ATP6V0D1: variants seen among roughly 807,000 people sequenced by gnomAD.
The protein encoded by ATP6V0D1 is V-type proton ATPase subunit d 1.
Under a neutral mutation model 39.0 loss-of-function variants are expected in ATP6V0D1, and 13 were observed. The ratio of observed to expected loss-of-function variants is 0.33; its 90% CI spans 0.22 to 0.53. The LOEUF is 0.53. Ranked by LOEUF, ATP6V0D1 falls within the 20% of genes least tolerant of loss-of-function variation. ATP6V0D1 has a pLI of 0.94. For synonymous variants in ATP6V0D1, 191 were observed against 191.2 expected, an observed-to-expected ratio of 1.00 and a Z score of 0.01; for missense variants, 272 against 470.9, an observed-to-expected ratio of 0.58 and a Z score of 3.91.
At chr16:67,468,071 T>C (rs1395931104) in intron 1 of ATP6V0D1, among the ~76,000 whole-genome samples, 1 of 152,118 alleles carries the variant, frequency 6.6e-6, no homozygotes, top group Non-Finnish European at 1.5e-5. Context: ...CTATGTTCAG[T>C]GTATGCCACT....
chr16:67,438,845 G>A lies in ATP6V0D1; in HGVS notation c.842C>T (p.Ala281Val). 6.2e-7 allele frequency: 1 copy of A among 1,603,762 alleles called. No homozygotes were observed. The highest frequency in any genetic ancestry group is 8.5e-7 in the Non-Finnish European group (1 of 1,175,316). ...YPEYKLLFEG[A>V]GSNPGDKTLE... ...CGTCTTGTCTCCAGGGTTGCTACCT[G>A]CACCCTCGAAGAGCAGCTTGTACTC... Residue 281 changes from alanine to valine, a missense_variant, in exon 7 of 8, where the codon GCA (alanine) becomes GTA (valine). Ala to Val is a moderately conservative substitution (Grantham distance 64, BLOSUM62 0). Around this residue, in one of 4 missense-constraint regions of ATP6V0D1, gnomAD observed 21 missense variants for 16.5 expected, o/e 1.27. Transcript: ENST00000290949.
rs2041470134 is a variant in ATP6V0D1, at chr16:67,481,011, C to T, written c.76G>A (p.Gly26Arg). ...LEGLVRGLKA[G>R]VLSQADYLNL... is the part of the protein sequence containing the mutation. Reference sequence around the variant, plus strand: ...AGGTAGTCGGCCTGGCTGAGCACCCCGGCCTTCAGGCCGCGCACCAGTCCC... The same window carrying T: ...AGGTAGTCGGCCTGGCTGAGCACCCTGGCCTTCAGGCCGCGCACCAGTCCC... Residue 26 changes from glycine to arginine, a missense_variant, in exon 1 of 8, where the codon GGG becomes AGG. Gly to Arg is a moderately radical substitution (Grantham distance 125, BLOSUM62 -2). Around this residue, in one of 4 missense-constraint regions of ATP6V0D1, gnomAD observed 81 missense variants for 96.0 expected, o/e 0.84. Transcript: ENST00000290949. 6.2e-7 allele frequency: 1 copy of T among 1,614,066 alleles called. No individual in the cohort carries two copies. The highest frequency in any genetic ancestry group is 8.5e-7 in the Non-Finnish European group (1 of 1,180,016).
Position 67,438,463 on chromosome 16 carries a change from ACACACACGCG to A in ATP6V0D1, c.*55_*64del. 8 of 1,560,244 alleles carry A rather than the reference ACACACACGCG, an allele frequency of 5.1e-6. No individual in the cohort carries two copies. Among genetic ancestry groups the A allele is most frequent in the Non-Finnish European group, 6.1e-6 (7 of 1,148,000 alleles). ...TCACAGACCACATACACACACACGC[ACACACACGCG>A]CACACACACACACACACACACAAAG... On this transcript the variant is annotated 3_prime_UTR_variant, in exon 8 of 8. Coordinates refer to ENST00000290949, the MANE Select transcript of ATP6V0D1 (RefSeq NM_004691.5).
chr16:67,479,221 T>TC, intron 1 of ATP6V0D1, among the ~76,000 whole-genome samples: 1 of 152,000 alleles, frequency 6.6e-6, no homozygotes, highest in African/African-American at 2.4e-5. Flanking sequence ...CGATTTTTTT[T>TC]TTTTTTTGAG....
intron 3 of ATP6V0D1, 171 bp from the exon 4 acceptor site, chr16:67,443,349 G>C (rs901969989): frequency 3.3e-6 from 2 of 614,394 alleles, no homozygotes; most frequent in African/African-American, 3.7e-5. Flanking sequence ...AATGCTCTGG[G>C]CCATGTACAC....
chr16:67,443,117 G>C lies in ATP6V0D1; in HGVS notation c.543C>G (p.Ile181Met). Residue 181 changes from isoleucine to methionine, a missense_variant, in exon 4 of 8, where the codon ATC becomes ATG. Around this residue, in one of 4 missense-constraint regions of ATP6V0D1, gnomAD observed 135 missense variants for 273.8 expected, o/e 0.49. Transcript: ENST00000290949. ...QDLDEMNIEI[I>M]RNTLYKAYLE... ...GCATTACCTTGTAGAGGGTGTTGCG[G>C]ATGATCTCGATGTTCATCTCGTCAA... The C allele has an allele frequency of 6.2e-7, 1 of 1,613,814 alleles. No individual in the cohort carries two copies. The highest frequency in any genetic ancestry group is 1.1e-5 in the South Asian group (1 of 91,062).
intron 2 of ATP6V0D1, among the ~76,000 whole-genome samples, chr16:67,446,142 A>T (rs1190076674): frequency 6.6e-6 from 1 of 152,056 alleles, no homozygotes; most frequent in African/African-American, 2.4e-5. Context: ...CCCCATACTG[A>T]AGAAAGAAAG....
At chr16:67,445,922 A>T (rs1445712183) in intron 2 of ATP6V0D1, 2 of 455,892 alleles carry the variant, frequency 4.4e-6, no homozygotes, top group Non-Finnish European at 8.8e-6. Flanking sequence ...TGAGGGAGCT[A>T]AATGAGGCCT....
Position 67,439,310 on chromosome 16 carries a change from G to C in ATP6V0D1, c.603C>G (p.Gly201=). The C allele has an allele frequency of 6.2e-7, 1 of 1,614,092 alleles. No individual in the cohort carries two copies. The highest frequency in any genetic ancestry group is 8.5e-7 in the Non-Finnish European group (1 of 1,180,038). The change falls in exon 5 of 8, where the codon GGC becomes GGG. Residue 201 remains glycine, a synonymous_variant. Transcript: ENST00000290949. ...GGCACATGGCATCAGCCGTAGTCCCGCCCAGTAGGGTGCAGAACTTGTAGA... is the reference window on the plus strand; with the variant it reads ...GGCACATGGCATCAGCCGTAGTCCCCCCCAGTAGGGTGCAGAACTTGTAGA... ...ESFYKFCTLL[G]GTTADAMCPI...
At chr16:67,463,307 G>T (rs994891985) in intron 1 of ATP6V0D1, among the ~76,000 whole-genome samples, 4 of 152,096 alleles carry the variant, frequency 2.6e-5, no homozygotes, top group African/African-American at 9.7e-5. Flanking sequence ...GAGGTGGGAG[G>T]ATCACTTGAG....
chr16:67,441,155 C>G (rs2041045847), intron 4 of ATP6V0D1: 1 of 152,336 alleles, frequency 6.6e-6, no homozygotes, highest in Non-Finnish European at 1.5e-5. Flanking sequence ...TGGTGGGACT[C>G]TCCTCTGGAG....
At position 67,453,392 on chromosome 16, in the gene ATP6V0D1, G is replaced by A. The variant is rs2041203265; in HGVS notation, c.302+152C>T. ...AGTCAGGGAGGACTCTGAAGGTAGG[G>A]TCCTGGGACACCTGGCCTGACAGAG... On this transcript the variant is annotated intron_variant, in intron 2 of 7. Coordinates refer to ENST00000290949, the MANE Select transcript of ATP6V0D1 (RefSeq NM_004691.5). This position sits in a 1 kb window ranked among gnomAD's most constrained non-coding sequence, Gnocchi z 4.1. 7.8e-6 allele frequency: 7 copies of A among 892,118 alleles called. No homozygotes were observed. Among genetic ancestry groups the A allele is most frequent in the South Asian group, 1.6e-5 (1 of 61,070 alleles). The allele number at this position is 892,118 out of a possible 1,614,324, so 55.3% of individuals were successfully genotyped here. A position where few individuals can be genotyped will look rare whatever the true frequency, so the allele number is the denominator to read the frequency against.
intron 1 of ATP6V0D1, among the ~76,000 whole-genome samples, chr16:67,457,814 G>A (rs573224382): frequency 1.3e-5 from 2 of 152,360 alleles, no homozygotes; most frequent in Admixed American, 1.3e-4. Flanking sequence ...GGAAGCCACG[G>A]CTCCAAGCAC....
chr16:67,443,094 A>ATTACC lies in ATP6V0D1; in HGVS notation c.561_561+4dup. Reference sequence around the variant, plus strand: ...CAATCCCCCATGGCTTGTGTGGGGCATTACCTTGTAGAGGGTGTTGCGGAT... The same window carrying ATTACC: ...CAATCCCCCATGGCTTGTGTGGGGCATTACCTTACCTTGTAGAGGGTGTTGCGGAT... On this transcript the variant is annotated splice_donor_region_variant and intron_variant, in intron 4 of 7. Transcript: ENST00000290949. 1 of 1,613,366 alleles carries ATTACC rather than the reference A, an allele frequency of 6.2e-7. No homozygotes were observed. The highest frequency in any genetic ancestry group is 8.5e-7 in the Non-Finnish European group (1 of 1,179,892).
intron 1 of ATP6V0D1, among the ~76,000 whole-genome samples, chr16:67,462,103 C>G (rs1476457231): frequency 6.6e-6 from 1 of 152,194 alleles, no homozygotes; most frequent in Admixed American, 6.5e-5. Flanking sequence ...TTCCAAGAAG[C>G]TCTCCTCTGA....
In ATP6V0D1 at chr16:67,453,648, C is replaced by T. The variant is rs373076096; in HGVS notation, c.198G>A (p.Thr66=). The change falls in exon 2 of 8, where the codon ACG becomes ACA. Residue 66 remains threonine, a synonymous_variant. Transcript: ENST00000290949. The surrounding 1 kb of genome is among the most constrained non-coding windows in gnomAD (Gnocchi z 4.1). ...NFLANEASPL[T]VSVIDDRLKE... ...TGAGCCGGTCATCGATGACTGACAC[C>T]GTCAGAGGTGATGCCTCGTTGGCCA... 5.6e-6 allele frequency: 9 copies of T among 1,614,020 alleles called. No homozygotes were observed. The South Asian group carries it at 7.7e-5, about 14-fold the overall frequency.
chr16:67,471,045 A>G (rs2041368751), intron 1 of ATP6V0D1, among the ~76,000 whole-genome samples: 1 of 152,208 alleles, frequency 6.6e-6, no homozygotes, highest in Admixed American at 6.5e-5. Context: ...CTAGAGCCTC[A>G]GAGCAAGTTT....
chr16:67,441,938 G>A (rs929001623), intron 4 of ATP6V0D1, among the ~76,000 whole-genome samples: 11 of 152,180 alleles, frequency 7.2e-5, no homozygotes, highest in Admixed American at 6.5e-5. Context: ...CTGCCCACGG[G>A]ACTATGTTCA....
At chr16:67,479,342 T>C (rs999544438) in intron 1 of ATP6V0D1, among the ~76,000 whole-genome samples, 1 of 151,650 alleles carries the variant, frequency 6.6e-6, no homozygotes, top group Non-Finnish European at 1.5e-5. Context: ...GTCTCCCGAG[T>C]AGCTGGGATT....
Sources: gnomAD v4.1 joint callset for allele counts (sites outside exome capture counted in the v4.1 genomes callset) on GRCh38, gnomAD v4.1.1 for gene constraint, gnomAD v4.1.1 regional missense constraint, Gnocchi (gnomAD v3.1) non-coding constraint, MANE v1.5 for transcripts, NCBI Gene and HGNC (gene_info 2026-07-23, HGNC 2026-07-21) for gene names.